Variants in TMEM163 observed in about 807,000 individuals in gnomAD.
TMEM163 encodes transmembrane protein 163.
TMEM163 carries 17 observed loss-of-function variants against 29.3 expected under a neutral mutation model. The observed-to-expected ratio is 0.58, with a 90% CI of 0.40 to 0.87. The LOEUF is 0.87. Among genes scored for constraint, TMEM163 ranks in the 40% least tolerant of loss-of-function variants. TMEM163 has a pLI of 0.00. For synonymous variants in TMEM163, 157 were observed against 160.6 expected (o/e 0.98, Z 0.17); for missense variants, 303 against 381.5 (o/e 0.79, Z 1.71).
intron 2 of TMEM163, among the ~76,000 whole-genome samples, chr2:134,633,581 A>T (rs546527373): frequency 9.8e-5 from 15 of 152,334 alleles, no homozygotes; most frequent in African/African-American, 3.4e-4. Context: ...AGCAGACTAC[A>T]GATTCTGTAC....
At chr2:134,706,467 G>C (rs1457231102) in intron 2 of TMEM163, among the ~76,000 whole-genome samples, 2 of 152,104 alleles carry the variant, frequency 1.3e-5, no homozygotes, top group Admixed American at 1.3e-4. Context: ...CATGAGTGCC[G>C]AAAGCAATAA....
intron 2 of TMEM163, among the ~76,000 whole-genome samples, chr2:134,659,361 A>G (rs1178047308): frequency 3.9e-5 from 6 of 152,240 alleles, no homozygotes; most frequent in Non-Finnish European, 8.8e-5. Context: ...AAAGTCTGAG[A>G]GTCCAAGAAG....
intron 2 of TMEM163, among the ~76,000 whole-genome samples, chr2:134,562,998 A>G (rs1377702116): frequency 6.6e-6 from 1 of 152,208 alleles, no homozygotes; most frequent in Non-Finnish European, 1.5e-5. Flanking sequence ...CCACAATTAG[A>G]TGGCACAGTC....
chr2:134,610,520 A>G (rs748395417), intron 2 of TMEM163, among the ~76,000 whole-genome samples: 2 of 152,162 alleles, frequency 1.3e-5, no homozygotes, highest in Non-Finnish European at 1.5e-5. Flanking sequence ...GCTGCTGCTG[A>G]TGATCTGGGA....
chr2:134,619,401 C>T (rs965311698), intron 2 of TMEM163, among the ~76,000 whole-genome samples: 1 of 152,140 alleles, frequency 6.6e-6, no homozygotes, highest in Non-Finnish European at 1.5e-5. Context: ...CAGGATTATA[C>T]ACGACGAGTA....
At chr2:134,570,524 A>ACATACACATACACAT (rs1395682083) in intron 2 of TMEM163, among the ~76,000 whole-genome samples, 1 of 147,974 alleles carries the variant, frequency 6.8e-6, no homozygotes, top group African/African-American at 2.5e-5. Context: ...ATACATATAC[A>ACATACACATACACAT]ACATAGTCAT....
chr2:134,490,713 T>G (rs1679409547), intron 5 of TMEM163, among the ~76,000 whole-genome samples: 1 of 152,172 alleles, frequency 6.6e-6, no homozygotes, highest in East Asian at 1.9e-4. Flanking sequence ...AACTCCCAAG[T>G]GACCACATGG....
intron 2 of TMEM163, among the ~76,000 whole-genome samples, chr2:134,553,788 T>C (rs1680985049): frequency 6.6e-6 from 1 of 152,166 alleles, no homozygotes; most frequent in African/African-American, 2.4e-5. Flanking sequence ...CACACAGGTA[T>C]GGTGCTGTAA....
intron 4 of TMEM163, among the ~76,000 whole-genome samples, chr2:134,545,565 C>A (rs1680761674): frequency 6.6e-6 from 1 of 152,070 alleles, no homozygotes. Context: ...CACCTCCTGG[C>A]CCCTTCCCTG....
chr2:134,483,896 C>G (rs1275377396), intron 5 of TMEM163, among the ~76,000 whole-genome samples: 1 of 152,220 alleles, frequency 6.6e-6, no homozygotes, highest in African/African-American at 2.4e-5. Context: ...CCAATCCCAG[C>G]ACTTTGGGAG....
At chr2:134,705,941 T>C (rs917151978) in intron 2 of TMEM163, among the ~76,000 whole-genome samples, 7 of 152,186 alleles carry the variant, frequency 4.6e-5, no homozygotes, top group Admixed American at 1.3e-4. Flanking sequence ...CCAGCTACCC[T>C]GTGTCACCGC....
intron 1 of TMEM163, 34 bp downstream of exon 1, chr2:134,718,700 C>A: frequency 8.8e-7 from 1 of 1,133,278 alleles, no homozygotes; most frequent in Non-Finnish European, 1.1e-6. Context: ...GCAGCCACCC[C>A]GGTCGCCGGC....
chr2:134,604,436 G>GA (rs5834421), intron 2 of TMEM163, among the ~76,000 whole-genome samples: 151 of 142,506 alleles, frequency 1.1e-3, no homozygotes, highest in East Asian at 6.2e-3. Flanking sequence ...GCTTTTACTG[G>GA]AAAAAAAAAA....
chr2:134,634,013 AT>A (rs1683045970), intron 2 of TMEM163, among the ~76,000 whole-genome samples: 9 of 32,954 alleles, frequency 2.7e-4, no homozygotes, highest in African/African-American at 8.4e-4. Context: ...ATATATATAT[AT>A]ATATATAATA....
At chr2:134,559,212 A>G (rs997461973) in intron 2 of TMEM163, among the ~76,000 whole-genome samples, 8 of 151,982 alleles carry the variant, frequency 5.3e-5, no homozygotes, top group Non-Finnish European at 1.0e-4. Context: ...CATCACAGCC[A>G]GCCTGCCTCA....
chr2:134,588,913 G>C (rs1007559143), intron 2 of TMEM163, among the ~76,000 whole-genome samples: 1 of 152,158 alleles, frequency 6.6e-6, no homozygotes, highest in Non-Finnish European at 1.5e-5. Context: ...AGTTCATGAA[G>C]AGCAGCAAAC....
At chr2:134,458,374 C>A (rs762387339) in intron 6 of TMEM163, 1 of 593,926 alleles carries the variant, frequency 1.7e-6, no homozygotes, top group Non-Finnish European at 3.0e-6. Context: ...AGAGCCGTCA[C>A]CCCCACCATC....
intron 4 of TMEM163, among the ~76,000 whole-genome samples, chr2:134,520,096 T>C (rs960597647): frequency 6.6e-6 from 1 of 152,122 alleles, no homozygotes; most frequent in African/African-American, 2.4e-5. Context: ...TAACTCTACA[T>C]ACCACCACCT....
chr2:134,705,206 T>C (rs1221497256), intron 2 of TMEM163, among the ~76,000 whole-genome samples: 2 of 143,214 alleles, frequency 1.4e-5, no homozygotes, highest in African/African-American at 2.7e-5. Flanking sequence ...CAAGACTCCA[T>C]CTCAAAAAAA....
Sources: gnomAD v4.1 joint callset for allele counts (sites outside exome capture counted in the v4.1 genomes callset) on GRCh38, gnomAD v4.1.1 for gene constraint, MANE v1.5 for transcripts, NCBI Gene and HGNC (gene_info 2026-07-23, HGNC 2026-07-21) for gene names.